Variants in PPM1L observed in about 807,000 individuals in gnomAD.
PPM1L encodes the protein protein phosphatase 1L.
In PPM1L, 13 loss-of-function variants were observed where a neutral mutation model predicts 31.4. That is an observed-to-expected ratio of 0.41 (90% CI 0.27 to 0.66). PPM1L has a LOEUF of 0.66. Ranked by LOEUF, PPM1L falls within the 30% of genes least tolerant of loss-of-function variation. PPM1L has a pLI of 0.29. For missense variants in PPM1L, 326 were observed against 453.7 expected (o/e 0.72, Z 2.56); for synonymous variants, 184 against 175.4 (o/e 1.05, Z -0.39).
At chr3:160,786,548 G>A (rs1037639636) in intron 1 of PPM1L, among the ~76,000 whole-genome samples, 12 of 149,856 alleles carry the variant, frequency 8.0e-5, no homozygotes, top group African/African-American at 2.9e-4. Flanking sequence ...GAGTAAAGTT[G>A]AACATCTTCT....
chr3:160,841,341 T>C (rs1051158779), intron 1 of PPM1L, among the ~76,000 whole-genome samples: 16 of 152,172 alleles, frequency 1.1e-4, no homozygotes, highest in African/African-American at 3.1e-4. Flanking sequence ...CAGGGATTTT[T>C]TTTTTTTTCA....
chr3:160,888,713 A>G (rs1280068152), intron 1 of PPM1L, among the ~76,000 whole-genome samples: 1 of 152,238 alleles, frequency 6.6e-6, no homozygotes, highest in Admixed American at 6.5e-5. Flanking sequence ...CCTCAAATCA[A>G]CAGAATATAC....
intron 2 of PPM1L, among the ~76,000 whole-genome samples, chr3:161,052,326 C>T (rs1396004828): frequency 6.6e-6 from 1 of 152,204 alleles, no homozygotes; most frequent in Non-Finnish European, 1.5e-5. Context: ...TCTTCCTCTA[C>T]TCACACCCCT....
intron 2 of PPM1L, among the ~76,000 whole-genome samples, chr3:161,020,171 T>C (rs1718201901): frequency 2.0e-5 from 3 of 150,776 alleles, no homozygotes; most frequent in Non-Finnish European, 4.4e-5. Context: ...AAACAAGACA[T>C]CTCCTAACTC....
chr3:161,011,130 T>C (rs1156661263), intron 2 of PPM1L, among the ~76,000 whole-genome samples: 1 of 152,226 alleles, frequency 6.6e-6, no homozygotes, highest in Non-Finnish European at 1.5e-5. Context: ...GGTTTTCTTC[T>C]AGGGTTTTTA....
intron 1 of PPM1L, among the ~76,000 whole-genome samples, chr3:160,808,128 G>A (rs1177290045): frequency 6.6e-6 from 1 of 152,098 alleles, no homozygotes; most frequent in Admixed American, 6.5e-5. Context: ...TACTGAGAAA[G>A]CTGATTTATC....
rs779339533 is a variant in PPM1L at position 160,756,757 on chromosome 3, G to A, written c.399+50G>A. On this transcript the variant is annotated intron_variant, in intron 1 of 3. Transcript: ENST00000498165. This position sits in a 1 kb window ranked among gnomAD's most constrained non-coding sequence, Gnocchi z 6.2. ...ATTTGTGTCCGTGTATGTCTCGTGTGTGTGTGTGTGTGTGTGTGTGTGTGT... is the reference window on the plus strand; with the variant it reads ...ATTTGTGTCCGTGTATGTCTCGTGTATGTGTGTGTGTGTGTGTGTGTGTGT... The A allele has an allele frequency of 4.7e-6, 5 of 1,063,766 alleles. No individual in the cohort carries two copies. Among genetic ancestry groups the A allele is most frequent in the South Asian group, 3.4e-5 (2 of 59,652 alleles). 65.9% of individuals were successfully genotyped at this position (1,063,766 alleles called of 1,614,324 possible). A position where few individuals can be genotyped will look rare whatever the true frequency, so the allele number is the denominator to read the frequency against.
intron 2 of PPM1L, among the ~76,000 whole-genome samples, chr3:161,052,909 TCTGC>T (rs1719316594): frequency 6.6e-6 from 1 of 152,222 alleles, no homozygotes; most frequent in African/African-American, 2.4e-5. Flanking sequence ...CTTTCTCCTC[TCTGC>T]CTTTTATTGA....
chr3:160,808,902 C>G (rs897544014), intron 1 of PPM1L, among the ~76,000 whole-genome samples: 3 of 152,206 alleles, frequency 2.0e-5, no homozygotes, highest in Admixed American at 6.5e-5. Context: ...TCCTGGTCAC[C>G]TGTCCCTCTC....
chr3:160,961,958 T>C (rs1359140881), intron 2 of PPM1L, 48 bp downstream of exon 2: 6 of 1,439,532 alleles, frequency 4.2e-6, no homozygotes, highest in Non-Finnish European at 4.7e-6. Context: ...CAAAAAAAAT[T>C]CATTATAAAC....
At chr3:160,850,525 G>T (rs1293446631) in intron 1 of PPM1L, among the ~76,000 whole-genome samples, 1 of 152,056 alleles carries the variant, frequency 6.6e-6, no homozygotes, top group Non-Finnish European at 1.5e-5. Context: ...GGACTTTGGG[G>T]GTTGAGGCTG....
chr3:160,852,595 T>C (rs1008384992), intron 1 of PPM1L, among the ~76,000 whole-genome samples: 3 of 152,208 alleles, frequency 2.0e-5, no homozygotes, highest in Admixed American at 1.3e-4. Flanking sequence ...GTCAGACTCT[T>C]ATGCTTCAAA....
intron 1 of PPM1L, among the ~76,000 whole-genome samples, chr3:160,906,016 TTCTAA>T (rs1357921386): frequency 5.3e-5 from 8 of 152,130 alleles, no homozygotes; most frequent in Non-Finnish European, 1.0e-4. Context: ...ATTGAACAAT[TTCTAA>T]TTTTTACTAG....
At chr3:160,930,570 C>T (rs1011774168) in intron 1 of PPM1L, among the ~76,000 whole-genome samples, 1 of 152,162 alleles carries the variant, frequency 6.6e-6, no homozygotes, top group South Asian at 2.1e-4. Context: ...AAACCAAATA[C>T]ATGAGAGGTG....
chr3:160,800,036 T>C (rs907844783), intron 1 of PPM1L, among the ~76,000 whole-genome samples: 3 of 152,214 alleles, frequency 2.0e-5, no homozygotes, highest in Non-Finnish European at 4.4e-5. Context: ...GTTAAATGCA[T>C]GAATAAAGGA....
chr3:160,967,149 G>C (rs1559906889), intron 2 of PPM1L, among the ~76,000 whole-genome samples: 1 of 151,936 alleles, frequency 6.6e-6, no homozygotes, highest in Non-Finnish European at 1.5e-5. Flanking sequence ...AAGTTCCCCT[G>C]CACATGCTCT....
intron 1 of PPM1L, among the ~76,000 whole-genome samples, chr3:160,776,705 C>T (rs187131636): frequency 1.7e-4 from 26 of 150,956 alleles, no homozygotes; most frequent in Admixed American, 4.6e-4. Context: ...TGGGTTCTAA[C>T]GATTCTCCTG....
In PPM1L at chr3:160,950,355, G is replaced by T. The variant is rs1462562218; in HGVS notation, c.400-11381G>T. 2.0e-5 allele frequency among the ~76,000 whole-genome samples: 3 copies of T among 152,142 alleles called. 1 individual carries two copies. Among genetic ancestry groups the T allele is most frequent in the African/African-American group, 7.2e-5 (3 of 41,418 alleles). ...TGATAGAATTTCAGGCGTCAAAAAA[G>T]GGAAAACGATTTGGGGATGGGGATC... On this transcript the variant is annotated intron_variant, in intron 1 of 3. Coordinates refer to ENST00000498165, the MANE Select transcript of PPM1L (RefSeq NM_139245.4).
chr3:160,963,135 A>T (rs1716018708), intron 2 of PPM1L, among the ~76,000 whole-genome samples: 1 of 152,048 alleles, frequency 6.6e-6, no homozygotes, highest in Admixed American at 6.6e-5. Flanking sequence ...TTAAATATTC[A>T]TAGCATCTTA....
Sources: allele counts gnomAD v4.1 joint callset (sites outside exome capture counted in the v4.1 genomes callset), GRCh38; gene constraint gnomAD v4.1.1; non-coding constraint Gnocchi (gnomAD v3.1); transcripts MANE v1.5; gene names NCBI Gene and HGNC (gene_info 2026-07-23, HGNC 2026-07-21).